SIPA1L3: variants seen among roughly 807,000 people sequenced by gnomAD.
The protein encoded by SIPA1L3 is signal induced proliferation associated 1 like 3.
SIPA1L3 carries 59 observed loss-of-function variants against 150.1 expected under a neutral mutation model. The observed-to-expected ratio is 0.39, with a 90% CI of 0.32 to 0.49. The LOEUF (loss-of-function observed/expected upper bound fraction) is 0.49, where lower values mean the gene tolerates loss of function less well. SIPA1L3 is among the 20% of genes least tolerant of loss of function. The probability of loss-of-function intolerance (pLI) is 0.86; values close to 1 mark genes in which losing one functional copy is unlikely to be tolerated. For synonymous variants in SIPA1L3, 1,070 were observed against 1,077.6 expected, an observed-to-expected ratio of 0.99 and a Z score of 0.14; for missense variants, 2,211 against 2,489.5, an observed-to-expected ratio of 0.89 and a Z score of 2.38.
intron 3 of SIPA1L3, among the ~76,000 whole-genome samples, chr19:38,086,590 G>A (rs941718770): frequency 2.0e-5 from 3 of 152,158 alleles, no homozygotes; most frequent in Non-Finnish European, 2.9e-5. Flanking sequence ...GGCTGAGATG[G>A]GAGGATCGCT....
intron 1 of SIPA1L3, among the ~76,000 whole-genome samples, chr19:37,927,975 C>G (rs931441315): frequency 6.6e-6 from 1 of 152,046 alleles, no homozygotes; most frequent in Non-Finnish European, 1.5e-5. Flanking sequence ...GATTCCCTGG[C>G]TTTGTGGGTT....
At chr19:38,134,273 T>C (rs952597622) in intron 10 of SIPA1L3, among the ~76,000 whole-genome samples, 1 of 150,954 alleles carries the variant, frequency 6.6e-6, no homozygotes, top group African/African-American at 2.4e-5. Context: ...CATGAGCCAC[T>C]GCACCCAGCC....
At position 38,127,022 on chromosome 19, in the gene SIPA1L3, G is replaced by A. The variant is rs1490776316; in HGVS notation, c.2869-3476G>A. ...AGCCTGACCGACATGGAGAAACCCC[G>A]TCTCTACTAAAAATACAAAATTAGC... On this transcript the variant is annotated intron_variant, in intron 9 of 21. Coordinates refer to ENST00000222345, the MANE Select transcript of SIPA1L3 (RefSeq NM_015073.3). Among the ~76,000 whole-genome samples the A allele has an allele frequency of 2.6e-5, 4 of 151,926 alleles. 1 individual carries two copies. Among genetic ancestry groups the A allele is most frequent in the Middle Eastern group, 6.3e-3 (2 of 316 alleles).
At chr19:38,095,053 C>T (rs924798603) in intron 4 of SIPA1L3, among the ~76,000 whole-genome samples, 2 of 152,014 alleles carry the variant, frequency 1.3e-5, no homozygotes, top group African/African-American at 2.4e-5. Flanking sequence ...CCAGCCTGGG[C>T]GACAAGAGCG....
At chr19:38,027,437 T>TG (rs1968539544) in intron 1 of SIPA1L3, among the ~76,000 whole-genome samples, 2 of 152,316 alleles carry the variant, frequency 1.3e-5, no homozygotes, top group South Asian at 4.1e-4. Flanking sequence ...TCCTGGACCC[T>TG]GGGGTGTTAG....
chr19:38,206,249 G>T lies in SIPA1L3; in HGVS notation c.*9G>T. 6.5e-7 allele frequency: 1 copy of T among 1,538,712 alleles called. No individual in the cohort carries two copies. Among genetic ancestry groups the T allele is most frequent in the Non-Finnish European group, 8.8e-7 (1 of 1,138,030 alleles). On this transcript the variant is annotated 3_prime_UTR_variant, in exon 22 of 22. Transcript: ENST00000222345. The stretch of plus-strand genomic sequence containing the variant: ...AGAAGAAGGAGCTCTGAGGTGGGAG[G>T]CCGCCGCCCGCCTTCGCTCCTTCCC...
chr19:38,038,893 T>A (rs543619439), intron 2 of SIPA1L3, among the ~76,000 whole-genome samples: 5 of 152,350 alleles, frequency 3.3e-5, no homozygotes, highest in Non-Finnish European at 2.9e-5. Context: ...TTTTAATTTT[T>A]ATTTTTTGGA....
chr19:37,974,513 C>CAA (rs11359136), intron 1 of SIPA1L3, among the ~76,000 whole-genome samples: 1 of 131,524 alleles, frequency 7.6e-6, no homozygotes, highest in Non-Finnish European at 1.7e-5. Context: ...GACCGTGTCT[C>CAA]AAAAAAAAAA....
chr19:38,035,764 GTGA>G (rs2145729437), intron 2 of SIPA1L3, among the ~76,000 whole-genome samples: 1 of 152,184 alleles, frequency 6.6e-6, no homozygotes, highest in Non-Finnish European at 1.5e-5. Flanking sequence ...GGTGGAGGTG[GTGA>G]TGATGATAAT....
intron 8 of SIPA1L3, among the ~76,000 whole-genome samples, chr19:38,112,027 A>G (rs1305850902): frequency 6.7e-6 from 1 of 150,332 alleles, no homozygotes; most frequent in Non-Finnish European, 1.5e-5. Flanking sequence ...ACACACACGT[A>G]TGCACACACC....
intron 1 of SIPA1L3, among the ~76,000 whole-genome samples, chr19:38,026,712 G>A (rs116769340): frequency 0.011 from 1,665 of 152,208 alleles, 32 homozygotes; most frequent in African/African-American, 0.039. Flanking sequence ...CTTAATCTCG[G>A]GTCCATGGAC....
At chr19:37,985,619 T>G (rs946510107) in intron 1 of SIPA1L3, among the ~76,000 whole-genome samples, 1 of 152,032 alleles carries the variant, frequency 6.6e-6, no homozygotes, top group African/African-American at 2.4e-5. Flanking sequence ...ATCTGAGACT[T>G]GAAAGATGAA....
At chr19:38,011,767 C>T (rs986045924) in intron 1 of SIPA1L3, among the ~76,000 whole-genome samples, 1 of 152,172 alleles carries the variant, frequency 6.6e-6, no homozygotes. Context: ...TGTAATCCTT[C>T]TGGCTGTGGG....
chr19:38,150,792 C>T (rs960934707), intron 12 of SIPA1L3, among the ~76,000 whole-genome samples: 5 of 151,886 alleles, frequency 3.3e-5, no homozygotes, highest in Non-Finnish European at 4.4e-5. Flanking sequence ...CTGCCTGCCT[C>T]GGCCTCCCAA....
chr19:38,110,406 C>G (rs1278573814), intron 8 of SIPA1L3, 22 bp downstream of exon 8: 1 of 1,603,194 alleles, frequency 6.2e-7, no homozygotes. Flanking sequence ...ACACCCGGCC[C>G]CCAGCAGCGT....
At chr19:37,951,013 T>G (rs2046759055) in intron 1 of SIPA1L3, among the ~76,000 whole-genome samples, 1 of 152,242 alleles carries the variant, frequency 6.6e-6, no homozygotes, top group African/African-American at 2.4e-5. Context: ...CCATTCACCA[T>G]TCTTTTGGGG....
At position 38,082,219 on chromosome 19, in the gene SIPA1L3, C is replaced by T. The variant is rs760535692; in HGVS notation, c.654C>T (p.Phe218=). The T allele has an allele frequency of 1.9e-6, 3 of 1,602,490 alleles. No homozygotes were observed. The Admixed American group carries it at 5.0e-5, about 27-fold the overall frequency. The change falls in exon 3 of 22, where the codon TTC becomes TTT. Residue 218 remains phenylalanine, a synonymous_variant. Transcript: ENST00000222345. ...TGCAGGGCATGCCCGAGCAGAGCTT[C>T]TTCGACATCCTGAACGAGTTCCGCA... The part of the protein sequence containing the change: ...IDVQGMPEQS[F]FDILNEFRSE...
At chr19:38,098,992 T>A (rs1970439425) in intron 4 of SIPA1L3, among the ~76,000 whole-genome samples, 1 of 152,114 alleles carries the variant, frequency 6.6e-6, no homozygotes, top group Non-Finnish European at 1.5e-5. Context: ...TCTTCTCTTC[T>A]CTCTTTCCTA....
rs904528566 is a variant in SIPA1L3, at chr19:38,047,453, G to T, written c.-311+18297G>T. On this transcript the variant is annotated intron_variant, in intron 2 of 21. Transcript: ENST00000222345. The surrounding 1 kb of genome is among the most constrained non-coding windows in gnomAD (Gnocchi z 4.7). ...CAGCATCTAGAACAGGACCTGGCCC[G>T]AAAGAGCTGCTCAGTAAATATTTGT... is the stretch of plus-strand genomic sequence containing the variant. Among the ~76,000 whole-genome samples, 1 of 152,118 alleles carries T rather than the reference G, an allele frequency of 6.6e-6. No homozygotes were observed. The highest frequency in any genetic ancestry group is 2.4e-5 in the African/African-American group (1 of 41,400).
Sources: gnomAD v4.1 joint callset for allele counts (sites outside exome capture counted in the v4.1 genomes callset) on GRCh38, gnomAD v4.1.1 for gene constraint, Gnocchi (gnomAD v3.1) non-coding constraint, MANE v1.5 for transcripts, NCBI Gene and HGNC (gene_info 2026-07-23, HGNC 2026-07-21) for gene names.